Variants in NR1D1 observed in about 807,000 individuals in gnomAD.
NR1D1 encodes the protein nuclear receptor subfamily 1 group D member 1, also known as Rev-ErbAalpha.
In NR1D1, 17 loss-of-function variants were observed where a neutral mutation model predicts 51.1. That is an observed-to-expected ratio of 0.33 (90% confidence interval 0.23 to 0.50). The LOEUF is 0.50. Ranked by LOEUF, NR1D1 falls within the 20% of genes least tolerant of loss-of-function variation. The pLI, the probability that NR1D1 is intolerant of heterozygous loss-of-function variation, is 0.98. For missense variants in NR1D1, 647 were observed against 830.4 expected, an observed-to-expected ratio of 0.78 and a Z score of 2.71; for synonymous variants, 341 against 333.4, an observed-to-expected ratio of 1.02 and a Z score of -0.25.
intron 5 of NR1D1, 21 bp downstream of exon 5, chr17:40,095,423 C>A: frequency 6.6e-7 from 1 of 1,516,408 alleles, no homozygotes; most frequent in South Asian, 1.3e-5. Context: ...TTAACGCACT[C>A]GCCCGCCCCC....
Position 40,093,610 on chromosome 17 carries a change from T to C in NR1D1, c.1645+302A>G. On this transcript the variant is annotated intron_variant, in intron 7 of 7. Transcript: ENST00000246672. The surrounding 1 kb of genome is among the most constrained non-coding windows in gnomAD (Gnocchi z 5.9). ...CCTGGGATGCCCTTCCCCCTTTCTCTGCCTGGCAACATCTTACTTGTCCTT... is the reference window on the plus strand; with the variant it reads ...CCTGGGATGCCCTTCCCCCTTTCTCCGCCTGGCAACATCTTACTTGTCCTT... 1 of 726,412 alleles carries C rather than the reference T, an allele frequency of 1.4e-6. No homozygotes were observed. The highest frequency in any genetic ancestry group is 2.2e-6 in the Non-Finnish European group (1 of 453,710). The allele number at this position is 726,412 out of a possible 1,614,324, so 45.0% of individuals were successfully genotyped here. A position where few individuals can be genotyped will look rare whatever the true frequency, so the allele number is the denominator to read the frequency against.
chr17:40,092,824 A>G lies in NR1D1; in HGVS notation c.*259T>C. 1.3e-6 allele frequency: 1 copy of G among 790,454 alleles called. No individual in the cohort carries two copies. The allele number at this position is 790,454 out of a possible 1,614,324, so 49.0% of individuals were successfully genotyped here. A position where few individuals can be genotyped will look rare whatever the true frequency, so the allele number is the denominator to read the frequency against. ...GTGAACTATTGGATTTGAGACAGGA[A>G]CAGAACAAATCAGAGGGCCAGGGGA... On this transcript the variant is annotated 3_prime_UTR_variant, in exon 8 of 8. Coordinates refer to ENST00000246672, the MANE Select transcript of NR1D1 (RefSeq NM_021724.5).
In NR1D1 at chr17:40,097,226, C is replaced by T. The variant is rs202142185; in HGVS notation, c.209G>A (p.Ser70Asn). The T allele has an allele frequency of 4.3e-6, 7 of 1,610,930 alleles. No homozygotes were observed. The highest frequency in any genetic ancestry group is 2.7e-5 in the African/African-American group (2 of 74,838). The change falls in exon 2 of 8, where the codon AGC (serine) becomes AAC (asparagine). Residue 70 changes from serine to asparagine, a missense_variant. Around this residue, in one of 7 missense-constraint regions of NR1D1, gnomAD observed 98 missense variants for 94.7 expected, o/e 1.03. Coordinates refer to ENST00000246672, the MANE Select transcript of NR1D1 (RefSeq NM_021724.5). The stretch of plus-strand genomic sequence containing the variant: ...GTCATCACTCAGGCTGGGTGGAATG[C>T]TCCCAAAGGAGCGAGCCGGGTCTTG... ...LTQDPARSFG[S>N]IPPSLSDDGS...
At position 40,097,241 on chromosome 17, in the gene NR1D1, G is replaced by A. The variant is rs773047131; in HGVS notation, c.194C>T (p.Ala65Val). 1 of 1,611,844 alleles carries A rather than the reference G, an allele frequency of 6.2e-7. No individual in the cohort carries two copies. Among genetic ancestry groups the A allele is most frequent in the South Asian group, 1.1e-5 (1 of 90,996 alleles). Residue 65 changes from alanine (A) to valine (V), a missense_variant, in exon 2 of 8, where the codon GCT (alanine) becomes GTT (valine). By Grantham distance (64) the Ala-to-Val change is moderately conservative (BLOSUM62 0). This residue lies in a region of NR1D1 where 98 missense variants were observed against 94.7 expected (regional missense o/e 1.03). Transcript: ENST00000246672. ...GGGTGGAATGCTCCCAAAGGAGCGA[G>A]CCGGGTCTTGGGTGAGGGAGCCAGT... ...SPTGSLTQDP[A>V]RSFGSIPPSL...
intron 6 of NR1D1, among the ~76,000 whole-genome samples, chr17:40,094,588 A>G (rs1226861700): frequency 6.6e-6 from 1 of 152,182 alleles, no homozygotes; most frequent in East Asian, 1.9e-4. Context: ...TTTCTGTTGG[A>G]TCCTTCCCAA....
chr17:40,096,938 G>A, intron 2 of NR1D1, 127 bp downstream of exon 2: 3 of 1,177,112 alleles, frequency 2.5e-6, no homozygotes, highest in Non-Finnish European at 3.7e-6. Context: ...AGAGGGGCTG[G>A]TGCCACTCTA....
Position 40,095,045 on chromosome 17 carries a change from T to A in NR1D1, c.1324A>T (p.Ser442Cys). ...ACCTCCCGCACAGCGGGCGTGAAGC[T>A]CATGGAGAAATCCTCCCAGATCTCC... ...VQEIWEDFSMSFTPAVREVVE... is the reference protein window; with the variant it reads ...VQEIWEDFSMCFTPAVREVVE... The change falls in exon 6 of 8, where the codon AGC (serine) becomes TGC (cysteine). Residue 442 changes from serine (S) to cysteine (C), a missense_variant. Ser to Cys is a moderately radical substitution (Grantham distance 112). Around this residue, in one of 7 missense-constraint regions of NR1D1, gnomAD observed 185 missense variants for 176.3 expected, o/e 1.05. Coordinates refer to ENST00000246672, the MANE Select transcript of NR1D1 (RefSeq NM_021724.5). 1 of 1,614,124 alleles carries A rather than the reference T, an allele frequency of 6.2e-7. No individual in the cohort carries two copies. Among genetic ancestry groups the A allele is most frequent in the Non-Finnish European group, 8.5e-7 (1 of 1,180,028 alleles).
In NR1D1 at chr17:40,096,727, G is replaced by A. The variant is rs1257946128; in HGVS notation, c.423C>T (p.Gly141=). 1.9e-6 allele frequency: 3 copies of A among 1,614,202 alleles called. No individual in the cohort carries two copies. Among genetic ancestry groups the A allele is most frequent in the Non-Finnish European group, 1.7e-6 (2 of 1,180,028 alleles). ...LCKVCGDVAS[G]FHYGVHACEG... Reference sequence around the variant, plus strand: ...CGCAGGCGTGCACACCGTAGTGGAAGCCCGAGGCAACGTCCCCACACACTT... The same window carrying A: ...CGCAGGCGTGCACACCGTAGTGGAAACCCGAGGCAACGTCCCCACACACTT... Residue 141 remains glycine (G), a synonymous_variant, in exon 3 of 8, where the codon GGC becomes GGT. Transcript: ENST00000246672.
At chr17:40,097,987 C>G (rs1987798609) in intron 1 of NR1D1, among the ~76,000 whole-genome samples, 1 of 152,220 alleles carries the variant, frequency 6.6e-6, no homozygotes, top group Admixed American at 6.5e-5. Context: ...CCCCTGGCCT[C>G]TTAAGAGAGT....
Position 40,092,807 on chromosome 17 carries a change from T to C in NR1D1, c.*276A>G, listed in dbSNP as rs199744223. ...CAGAAGCCAGCTCAGCTGTGAACTA[T>C]TGGATTTGAGACAGGAACAGAACAA... is the stretch of plus-strand genomic sequence containing the variant. On this transcript the variant is annotated 3_prime_UTR_variant, in exon 8 of 8. Coordinates refer to ENST00000246672, the MANE Select transcript of NR1D1 (RefSeq NM_021724.5). The C allele has an allele frequency of 6.8e-5, 45 of 664,644 alleles. No individual in the cohort carries two copies. Among genetic ancestry groups the C allele is most frequent in the Middle Eastern group, 4.4e-4 (1 of 2,256 alleles). 41.2% of individuals were successfully genotyped at this position (664,644 alleles called of 1,614,324 possible).
At chr17:40,094,161 G>A (rs770510345) in intron 6 of NR1D1, 39 bp from the exon 7 acceptor site, 6 of 1,589,014 alleles carry the variant, frequency 3.8e-6, no homozygotes, top group Non-Finnish European at 5.2e-6. Context: ...GGTGTGGTGG[G>A]AGGAGCACTG....
At chr17:40,099,323 A>C (rs1987829449) in intron 1 of NR1D1, among the ~76,000 whole-genome samples, 1 of 152,210 alleles carries the variant, frequency 6.6e-6, no homozygotes, top group South Asian at 2.1e-4. Context: ...GGAGGAGAGA[A>C]GGGAACACGC....
At position 40,095,466 on chromosome 17, in the gene NR1D1, C is replaced by T. The variant is rs1987734637; in HGVS notation, c.1226G>A (p.Gly409Asp). 3 of 1,531,200 alleles carry T rather than the reference C, an allele frequency of 2.0e-6. No homozygotes were observed. Among genetic ancestry groups the T allele is most frequent in the East Asian group, 2.3e-5 (1 of 44,098 alleles). 94.9% of individuals were successfully genotyped at this position (1,531,200 alleles called of 1,614,324 possible). Reference protein sequence around the residue: ...GKAPANSPRQGNSKNVLLACP... With the variant: ...GKAPANSPRQDNSKNVLLACP... ...TACCAGCAGAACATTCTTTGAGTTG[C>T]CCTGCCGGGGACTGTTGGCAGGTGC... The change falls in exon 5 of 8, where the codon GGC becomes GAC. Residue 409 changes from glycine (G) to aspartate (D), a missense_variant. Around this residue, in one of 7 missense-constraint regions of NR1D1, gnomAD observed 185 missense variants for 176.3 expected, o/e 1.05. Coordinates refer to ENST00000246672, the MANE Select transcript of NR1D1 (RefSeq NM_021724.5).
chr17:40,099,947 C>G (rs879303130), intron 1 of NR1D1, 117 bp downstream of exon 1: 89 of 795,632 alleles, frequency 1.1e-4, no homozygotes, highest in Middle Eastern at 5.1e-4. Context: ...AGCACGTTAG[C>G]AAATCTCCGG....
chr17:40,095,520 G>A lies in NR1D1; in HGVS notation c.1172C>T (p.Thr391Ile), dbSNP rs745811517. 1.3e-6 allele frequency: 2 copies of A among 1,586,194 alleles called. No individual in the cohort carries two copies. Among genetic ancestry groups the A allele is most frequent in the Admixed American group, 1.8e-5 (1 of 56,438 alleles). ...SNSNGHRLCP[T>I]HVYAAPEGKA... ...GCCTTCTGGGGCTGCATACACGTGGGTGGGGCATAGACGGTGCCCGTTGCT... is the reference window on the plus strand; with the variant it reads ...GCCTTCTGGGGCTGCATACACGTGGATGGGGCATAGACGGTGCCCGTTGCT... The change falls in exon 5 of 8, where the codon ACC (threonine) becomes ATC (isoleucine). Residue 391 changes from threonine to isoleucine, a missense_variant. Physicochemically the swap from Thr to Ile is moderately conservative, Grantham distance 89. Transcript: ENST00000246672.
chr17:40,099,446 GC>G (rs1340345919), intron 1 of NR1D1, among the ~76,000 whole-genome samples: 1 of 152,160 alleles, frequency 6.6e-6, no homozygotes, highest in African/African-American at 2.4e-5. Flanking sequence ...CAGCACGTGG[GC>G]CCGGCTCTAG....
In NR1D1 at chr17:40,097,402, A is replaced by G. The variant is rs138642121; in HGVS notation, c.33T>C (p.Gly11=). ...TGGAGCCAATGTAGGTGATGACGCC[A>G]CCTGGAGAGAGAACAAAAGGAAAGG... is the stretch of plus-strand genomic sequence containing the variant. MTTLDSNNNT[G]GVITYIGSSG... is the part of the protein sequence containing the mutation. The change falls in exon 2 of 8, where the codon GGT becomes GGC. Residue 11 remains glycine, a splice_region_variant and synonymous_variant. Transcript: ENST00000246672. 2.5e-6 allele frequency: 4 copies of G among 1,601,386 alleles called. No homozygotes were observed. Among genetic ancestry groups the G allele is most frequent in the Admixed American group, 3.5e-5 (2 of 57,280 alleles).
In NR1D1 at chr17:40,095,578, C is replaced by A. The variant is rs1987739305; in HGVS notation, c.1114G>T (p.Gly372Cys). The A allele has an allele frequency of 1.9e-6, 3 of 1,610,410 alleles. No individual in the cohort carries two copies. Among genetic ancestry groups the A allele is most frequent in the Non-Finnish European group, 2.5e-6 (3 of 1,177,992 alleles). ...TGGTGGCAGCTGTGGTGTGCAGGGC[C>A]AGGAGGCCAGGTGGGAGGGTAGGAG... is the stretch of plus-strand genomic sequence containing the variant. The part of the protein sequence containing the change: ...PSSYPPTWPP[G>C]PAHHSCHQSN... Residue 372 changes from glycine (G) to cysteine (C), a missense_variant, in exon 5 of 8, where the codon GGC becomes TGC. Gly to Cys is a radical substitution (Grantham distance 159). Coordinates refer to ENST00000246672, the MANE Select transcript of NR1D1 (RefSeq NM_021724.5).
rs1455434079 is a variant in NR1D1, at chr17:40,095,611, C to G, written c.1081G>C (p.Ala361Pro). The G allele has an allele frequency of 1.2e-6, 2 of 1,611,480 alleles. No individual in the cohort carries two copies. The highest frequency in any genetic ancestry group is 1.1e-5 in the South Asian group (1 of 90,700). The change falls in exon 5 of 8, where the codon GCT (alanine) becomes CCT (proline). Residue 361 changes from alanine (A) to proline (P), a missense_variant. Coordinates refer to ENST00000246672, the MANE Select transcript of NR1D1 (RefSeq NM_021724.5). ...HNEALNGLRQ[A>P]PSSYPPTWPP... Reference sequence around the variant, plus strand: ...CAGGTGGGAGGGTAGGAGGAGGGAGCCTGGCGCAGACCATTTAGGGCCTCG... The same window carrying G: ...CAGGTGGGAGGGTAGGAGGAGGGAGGCTGGCGCAGACCATTTAGGGCCTCG...
Sources: allele counts gnomAD v4.1 joint callset (sites outside exome capture counted in the v4.1 genomes callset), GRCh38; gene constraint gnomAD v4.1.1; regional missense constraint gnomAD v4.1.1; non-coding constraint Gnocchi (gnomAD v3.1); transcripts MANE v1.5; gene names NCBI Gene and HGNC (gene_info 2026-07-23, HGNC 2026-07-21).